The following TSBP1 variants were observed in gnomAD, a reference collection of about 807,000 sequenced individuals.
The protein encoded by TSBP1 is testis expressed basic protein 1.
TSBP1 carries 56 observed loss-of-function variants against 68.8 expected under a neutral mutation model. The observed-to-expected ratio is 0.81, with a 90% confidence interval of 0.66 to 1.02. The LOEUF (loss-of-function observed/expected upper bound fraction) is 1.02. Among genes scored for constraint, TSBP1 ranks in the 50% least tolerant of loss-of-function variants. TSBP1 has a pLI of 0.00. For missense variants in TSBP1, 502 were observed against 641.2 expected (o/e 0.78, Z 2.34); for synonymous variants, 171 against 208.7 (o/e 0.82, Z 1.56).
intron 3 of TSBP1, 98 bp from the exon 4 acceptor site, chr6:32,368,055 G>T (rs537432006): frequency 1.1e-6 from 1 of 933,412 alleles, no homozygotes; most frequent in Non-Finnish European, 1.7e-6. Flanking sequence ...ACTCCTAATG[G>T]TGAATAATGA....
chr6:32,316,523 C>G lies in TSBP1; in HGVS notation c.560-731G>C. 2.4e-6 allele frequency: 2 copies of G among 819,286 alleles called. No homozygotes were observed. Among genetic ancestry groups the G allele is most frequent in the Non-Finnish European group, 4.0e-6 (2 of 504,142 alleles). 50.8% of individuals were successfully genotyped at this position (819,286 alleles called of 1,614,324 possible). ...TTGGTAGTCACACAGCTCTGGATGA[C>G]AATGGCTAATTCTCTGTTAAAAGCT... On this transcript the variant is annotated intron_variant, in intron 18 of 22. Transcript: ENST00000612031. The surrounding 1 kb of genome is among the most constrained non-coding windows in gnomAD (Gnocchi z 4.5).
At chr6:32,323,448 C>T (rs1390015410) in intron 17 of TSBP1, 143 bp downstream of exon 18, 3 of 773,470 alleles carry the variant, frequency 3.9e-6, no homozygotes, top group African/African-American at 3.4e-5. Flanking sequence ...GCTGGATGAG[C>T]AGAAGGCAGA....
Position 32,364,822 on chromosome 6 carries a change from G to A in TSBP1, c.217+1345C>T, listed in dbSNP as rs191368008. 1.8e-4 allele frequency among the ~76,000 whole-genome samples: 27 copies of A among 152,178 alleles called. No homozygotes were observed. In the East Asian group the frequency reaches 5.2e-3, roughly 29 times the overall value. Reference sequence around the variant, plus strand: ...TTTCCTTGATTTTTATGACCTTGAAGTCTTGTCTTGTGTTTTCACATTTGA... The same window carrying A: ...TTTCCTTGATTTTTATGACCTTGAAATCTTGTCTTGTGTTTTCACATTTGA... On this transcript the variant is annotated intron_variant, in intron 6 of 22. Coordinates refer to ENST00000612031, the Ensembl canonical transcript of TSBP1.
intron 14 of TSBP1, among the ~76,000 whole-genome samples, chr6:32,334,280 A>G (rs1769390763): frequency 1.3e-5 from 2 of 151,264 alleles, no homozygotes; most frequent in Non-Finnish European, 1.5e-5. Flanking sequence ...ATTTTCTCCT[A>G]TTTATCTCTC....
At position 32,365,907 on chromosome 6, in the gene TSBP1, C is replaced by G; in HGVS notation, c.217+260G>C. The G allele has an allele frequency of 1.7e-6, 1 of 572,152 alleles. No homozygotes were observed. The highest frequency in any genetic ancestry group is 3.3e-6 in the Non-Finnish European group (1 of 301,878). 35.4% of individuals were successfully genotyped at this position (572,152 alleles called of 1,614,324 possible). A position where few individuals can be genotyped will look rare whatever the true frequency, so the allele number is the denominator to read the frequency against. On this transcript the variant is annotated intron_variant, in intron 6 of 22. Transcript: ENST00000612031. The surrounding 1 kb of genome is among the most constrained non-coding windows in gnomAD (Gnocchi z 4.3). ...GTGTGGGAAGAAAGCTCCTATTCTA[C>G]TATTTTGCTGATGCCTTTCTCTCAT...
intron 6 of TSBP1, among the ~76,000 whole-genome samples, chr6:32,360,747 G>A (rs1772916300): frequency 6.6e-6 from 1 of 152,104 alleles, no homozygotes; most frequent in Admixed American, 6.6e-5. Flanking sequence ...CCTATCTGGT[G>A]TGAGGTGCAT....
In TSBP1 at chr6:32,292,947, T is replaced by C; in HGVS notation, c.*34A>G. The C allele has an allele frequency of 7.8e-7, 1 of 1,279,120 alleles. No homozygotes were observed. Among genetic ancestry groups the C allele is most frequent in the Non-Finnish European group, 1.1e-6 (1 of 898,954 alleles). The allele number at this position is 1,279,120 out of a possible 1,614,324, so 79.2% of individuals were successfully genotyped here. The stretch of plus-strand genomic sequence containing the variant: ...ATCTGGAGTATGGGAATCATAATAA[T>C]CACTTGTCTTATGGGCCTTTAAAAA... On this transcript the variant is annotated 3_prime_UTR_variant, in exon 23 of 23. Coordinates refer to ENST00000612031, the Ensembl canonical transcript of TSBP1. This position sits in a 1 kb window ranked among gnomAD's most constrained non-coding sequence, Gnocchi z 4.1.
At chr6:32,310,355 G>C (rs1287366396) in intron 19 of TSBP1, among the ~76,000 whole-genome samples, 1 of 151,822 alleles carries the variant, frequency 6.6e-6, no homozygotes, top group East Asian at 1.9e-4. Flanking sequence ...TTTTCTTCTG[G>C]AATGTTATTA....
chr6:32,367,848 C>A, intron 4 of TSBP1, 77 bp downstream of exon 4: 3 of 1,078,318 alleles, frequency 2.8e-6, no homozygotes, highest in South Asian at 2.9e-5. Flanking sequence ...AAATCATGCT[C>A]AAATGGAGAT....
Position 32,302,538 on chromosome 6 carries a change from A to G in TSBP1, c.601+71T>C. On this transcript the variant is annotated intron_variant, in intron 20 of 22. Transcript: ENST00000612031. This position sits in a 1 kb window ranked among gnomAD's most constrained non-coding sequence, Gnocchi z 5.1. Reference sequence around the variant, plus strand: ...AAAACAAACATAAAACATTAAAAACATTTGTAGAAAAAATTTGCTCACCCC... The same window carrying G: ...AAAACAAACATAAAACATTAAAAACGTTTGTAGAAAAAATTTGCTCACCCC... The G allele has an allele frequency of 3.1e-6, 3 of 964,088 alleles. No homozygotes were observed. Among genetic ancestry groups the G allele is most frequent in the Non-Finnish European group, 5.0e-6 (3 of 603,330 alleles). 59.7% of individuals were successfully genotyped at this position (964,088 alleles called of 1,614,324 possible).
chr6:32,350,288 A>T, intron 8 of TSBP1: 1 of 412,748 alleles, frequency 2.4e-6, no homozygotes, highest in Non-Finnish European at 4.7e-6. Flanking sequence ...CAAATCAGGA[A>T]GTTCTTGAAT....
At chr6:32,323,757 G>A (rs1434682728) in intron 16 of TSBP1, 143 bp from the exon 18 acceptor site, 2 of 698,076 alleles carry the variant, frequency 2.9e-6, no homozygotes, top group Non-Finnish European at 4.9e-6. Flanking sequence ...ATATGAATCA[G>A]CAGAATGCGA....
At chr6:32,367,052 C>CGTGTGTGTGTGTGTGTGTGT (rs3038518) in intron 4 of TSBP1, among the ~76,000 whole-genome samples, 9 of 148,342 alleles carry the variant, frequency 6.1e-5, no homozygotes, top group East Asian at 2.0e-4. Flanking sequence ...ATGCTTGTAG[C>CGTGTGTGTGTGTGTGTGTGT]GTGTGTGTGT....
chr6:32,301,307 G>T (rs1765263062), intron 20 of TSBP1, among the ~76,000 whole-genome samples: 3 of 152,120 alleles, frequency 2.0e-5, no homozygotes, highest in Admixed American at 2.0e-4. Flanking sequence ...GGGATTACAG[G>T]TGTAAGCCAC....
At chr6:32,360,285 C>T (rs1772849377) in intron 6 of TSBP1, among the ~76,000 whole-genome samples, 1 of 152,002 alleles carries the variant, frequency 6.6e-6, no homozygotes, top group South Asian at 2.1e-4. Flanking sequence ...TCTTTCTATG[C>T]GTGGCTAATT....
intron 16 of TSBP1, among the ~76,000 whole-genome samples, chr6:32,329,404 C>G (rs555532953): frequency 6.6e-6 from 1 of 152,210 alleles, no homozygotes; most frequent in South Asian, 2.1e-4. Context: ...TGAGAACTTC[C>G]AAGGCTATAA....
intron 19 of TSBP1, among the ~76,000 whole-genome samples, chr6:32,311,563 C>T (rs9268202): frequency 0.2 from 30,994 of 151,956 alleles, 3,333 homozygotes; most frequent in Non-Finnish European, 0.22. Context: ...AGGTGCTGCT[C>T]GCCGGCCTTG....
rs575965300 is a variant in TSBP1, at chr6:32,355,805, A to C, written c.218-136T>G. 2.1e-4 allele frequency: 229 copies of C among 1,078,738 alleles called. 5 individuals are homozygous for C. In the South Asian group the frequency reaches 2.7e-3, roughly 13 times the overall value. 66.8% of individuals were successfully genotyped at this position (1,078,738 alleles called of 1,614,324 possible). On this transcript the variant is annotated intron_variant, in intron 6 of 22. Coordinates refer to ENST00000612031, the Ensembl canonical transcript of TSBP1. ...AAGAAACTGGAGACAAAATCTCCTC[A>C]TGGCTTAATTTATAAGTTTAATGAC... is the stretch of plus-strand genomic sequence containing the variant.
At chr6:32,367,844 T>C in intron 4 of TSBP1, 81 bp downstream of exon 4, 1 of 1,026,546 alleles carries the variant, frequency 9.7e-7, no homozygotes, top group Admixed American at 2.2e-5. Context: ...CAACAAATCA[T>C]GCTCAAATGG....
Sources: allele counts gnomAD v4.1 joint callset (sites outside exome capture counted in the v4.1 genomes callset), GRCh38; gene constraint gnomAD v4.1.1; non-coding constraint Gnocchi (gnomAD v3.1); transcripts MANE v1.5; gene names NCBI Gene and HGNC (gene_info 2026-07-23, HGNC 2026-07-21).